Variants in RGS12 observed in about 807,000 individuals in gnomAD.
RGS12 encodes regulator of G protein signaling 12, also known as regulator of G-protein signaling 12.
Under a neutral mutation model 120.1 loss-of-function variants are expected in RGS12, and 66 were observed. The observed-to-expected ratio is 0.55, with a 90% CI of 0.45 to 0.67. The LOEUF (loss-of-function observed/expected upper bound fraction) is 0.67, where lower values mean the gene tolerates loss of function less well. RGS12 is among the 30% of genes least tolerant of loss of function. The pLI, the probability that RGS12 is intolerant of heterozygous loss-of-function variation, is 0.00. For missense variants in RGS12, 1,859 were observed against 1,957.7 expected, an observed-to-expected ratio of 0.95 and a Z score of 0.95; for synonymous variants, 827 against 804.7, an observed-to-expected ratio of 1.03 and a Z score of -0.47.
chr4:3,434,343 A>G (rs1444851445), intron 17 of RGS12, among the ~76,000 whole-genome samples: 1 of 152,182 alleles, frequency 6.6e-6, no homozygotes, highest in Non-Finnish European at 1.5e-5. Flanking sequence ...CCGGGGGATT[A>G]TCACAATTCA....
chr4:3,304,314 G>T (rs944069215), intron 1 of RGS12, among the ~76,000 whole-genome samples: 1 of 152,168 alleles, frequency 6.6e-6, no homozygotes, highest in Non-Finnish European at 1.5e-5. Context: ...CATAATGTTG[G>T]TGGCTGCTGA....
rs1266191094 is a variant in RGS12, at chr4:3,422,403, G to A, written c.2866G>A (p.Glu956Lys). 12 of 1,612,520 alleles carry A rather than the reference G, an allele frequency of 7.4e-6. No individual in the cohort carries two copies. The highest frequency in any genetic ancestry group is 3.3e-5 in the Admixed American group (2 of 59,990). Residue 956 changes from glutamate (E) to lysine (K), a missense_variant, in exon 11 of 18, where the codon GAG (glutamate) becomes AAG (lysine). Glu to Lys is a moderately conservative substitution (Grantham distance 56). Coordinates refer to ENST00000336727, the MANE Select transcript of RGS12 (RefSeq NM_001394154.1). ...LSEACRTLAP[E>K]KDKATKHCCI... is the part of the protein sequence containing the mutation. ...GGAGGCCTGCAGGACTTTGGCACCCGAGAAGGACAAGGCCACCAAGCACTG... is the reference window on the plus strand; with the variant it reads ...GGAGGCCTGCAGGACTTTGGCACCCAAGAAGGACAAGGCCACCAAGCACTG...
chr4:3,349,848 G>A (rs1714193675), intron 3 of RGS12, among the ~76,000 whole-genome samples: 1 of 152,120 alleles, frequency 6.6e-6, no homozygotes, highest in African/African-American at 2.4e-5. Flanking sequence ...GTTCAGCAAT[G>A]TATGTTTTAG....
intron 4 of RGS12, among the ~76,000 whole-genome samples, chr4:3,395,947 T>G (rs1720008928): frequency 1.3e-5 from 2 of 152,234 alleles, no homozygotes; most frequent in South Asian, 4.1e-4. Context: ...CGTTTGCATA[T>G]AACCTACCCA....
intron 1 of RGS12, among the ~76,000 whole-genome samples, chr4:3,305,182 G>A (rs1057302351): frequency 3.3e-5 from 5 of 152,354 alleles, no homozygotes; most frequent in East Asian, 3.9e-4. Context: ...TGAGCGAGAC[G>A]AAAGCCATGG....
chr4:3,362,342 A>T (rs1224688992), intron 3 of RGS12, among the ~76,000 whole-genome samples: 1 of 151,266 alleles, frequency 6.6e-6, no homozygotes, highest in East Asian at 1.9e-4. Flanking sequence ...GAAGAGTGAG[A>T]GTGTGTGCGT....
At chr4:3,428,296 C>T (rs530330186) in intron 15 of RGS12, 127 bp downstream of exon 15, 48 of 950,388 alleles carry the variant, frequency 5.1e-5, no homozygotes, top group East Asian at 1.7e-4. Context: ...CGCTCCTTGG[C>T]GGGGTCTCTC....
intron 3 of RGS12, among the ~76,000 whole-genome samples, chr4:3,367,556 G>C (rs1332153799): frequency 6.6e-6 from 1 of 152,250 alleles, no homozygotes; most frequent in Non-Finnish European, 1.5e-5. Flanking sequence ...GCAATGGGCT[G>C]GGGCCCAGAA....
chr4:3,333,137 C>G (rs1429868159), intron 2 of RGS12, among the ~76,000 whole-genome samples: 1 of 151,714 alleles, frequency 6.6e-6, no homozygotes, highest in African/African-American at 2.4e-5. Flanking sequence ...CAGGCTCCGT[C>G]CCCCAGGGTT....
chr4:3,316,751 T>C lies in RGS12; in HGVS notation c.581T>C (p.Leu194Pro). 1 of 1,614,222 alleles carries C rather than the reference T, an allele frequency of 6.2e-7. No individual in the cohort carries two copies. Among genetic ancestry groups the C allele is most frequent in the East Asian group, 2.2e-5 (1 of 44,882 alleles). Reference sequence around the variant, plus strand: ...ATAAATAATCCAAATCCCAACATGCTTTCTAAGGAGGAAATATCAAAAGTT... The same window carrying C: ...ATAAATAATCCAAATCCCAACATGCCTTCTAAGGAGGAAATATCAAAAGTT... ...ESINNPNPNMLSKEEISKVIH... is the reference protein window; with the variant it reads ...ESINNPNPNMPSKEEISKVIH... Residue 194 changes from leucine to proline, a missense_variant, in exon 2 of 18, where the codon CTT becomes CCT. Physicochemically the swap from Leu to Pro is moderately conservative, Grantham distance 98. Transcript: ENST00000336727.
rs537353725 is a variant in RGS12, at chr4:3,349,289, C to G, written c.1998+6236C>G. Among the ~76,000 whole-genome samples, 10 of 152,252 alleles carry G rather than the reference C, an allele frequency of 6.6e-5. No homozygotes were observed. The East Asian group carries it at 1.9e-3, about 29-fold the overall frequency. On this transcript the variant is annotated intron_variant, in intron 3 of 17. Transcript: ENST00000336727. The stretch of plus-strand genomic sequence containing the variant: ...ATAGGCCTTCGATGACATCCTTAAG[C>G]CTTTCTGCTTTGTTCTGTACTTCCT...
intron 3 of RGS12, among the ~76,000 whole-genome samples, chr4:3,361,075 T>G (rs980493162): frequency 3.3e-5 from 5 of 152,202 alleles, no homozygotes; most frequent in African/African-American, 7.2e-5. Flanking sequence ...ATTCTTGCAG[T>G]GGGATGCTCG....
At chr4:3,310,706 T>C (rs1578697487) in intron 1 of RGS12, among the ~76,000 whole-genome samples, 1 of 150,526 alleles carries the variant, frequency 6.6e-6, no homozygotes, top group African/African-American at 2.4e-5. Flanking sequence ...GCCAGGTGGG[T>C]GTTCGGCAGC....
chr4:3,412,506 C>T (rs975058799), intron 4 of RGS12, among the ~76,000 whole-genome samples: 1 of 152,254 alleles, frequency 6.6e-6, no homozygotes, highest in Non-Finnish European at 1.5e-5. Flanking sequence ...TGGCCTGGAG[C>T]TGGAGCCCAT....
rs1453994921 is a variant in RGS12, at chr4:3,366,535, CCG to C, written c.1999-19880_1999-19879del. On this transcript the variant is annotated intron_variant, in intron 3 of 17. Transcript: ENST00000336727. The surrounding 1 kb of genome is among the most constrained non-coding windows in gnomAD (Gnocchi z 4.0). ...TAGCTGAGAGTGAGGTGGTCCGGCC[CCG>C]TGAAGGAGGCAGCAGGGCTTGCGGC... is the stretch of plus-strand genomic sequence containing the variant. Among the ~76,000 whole-genome samples, 3 of 152,174 alleles carry C rather than the reference CCG, an allele frequency of 2.0e-5. No individual in the cohort carries two copies. The highest frequency in any genetic ancestry group is 6.5e-5 in the Admixed American group (1 of 15,282).
At position 3,317,891 on chromosome 4, in the gene RGS12, C is replaced by T. The variant is rs779593877; in HGVS notation, c.1721C>T (p.Pro574Leu). 4.3e-6 allele frequency: 7 copies of T among 1,613,870 alleles called. No individual in the cohort carries two copies. The Admixed American group carries it at 8.3e-5, about 19-fold the overall frequency. The change falls in exon 2 of 18, where the codon CCT becomes CTT. Residue 574 changes from proline to leucine, a missense_variant. By Grantham distance (98) the Pro-to-Leu change is moderately conservative (BLOSUM62 -3). This residue lies in a region of RGS12 where 967 missense variants were observed against 994.2 expected (regional missense o/e 0.97). Transcript: ENST00000336727. ...AGCATCAACTGCGGCACACTGCCCC[C>T]TCCTATGAGCAAGATCCCCGCAGAC... Reference protein sequence around the residue: ...WSSINCGTLPPPMSKIPADRY... With the variant: ...WSSINCGTLPLPMSKIPADRY...
intron 2 of RGS12, among the ~76,000 whole-genome samples, chr4:3,330,642 A>C (rs1390191325): frequency 6.6e-6 from 1 of 152,246 alleles, no homozygotes; most frequent in Admixed American, 6.5e-5. Flanking sequence ...TAGTATTTCC[A>C]TACTATGGGA....
chr4:3,393,009 A>T (rs990956072), intron 4 of RGS12, among the ~76,000 whole-genome samples: 1 of 152,006 alleles, frequency 6.6e-6, no homozygotes, highest in African/African-American at 2.4e-5. Context: ...AAACCCCAAA[A>T]TGTTTGTATA....
rs761985502 is a variant in RGS12 at position 3,422,412 on chromosome 4, A to G, written c.2875A>G (p.Lys959Glu). ...CAGGACTTTGGCACCCGAGAAGGAC[A>G]AGGCCACCAAGCACTGCTGCATTCA... ...ACRTLAPEKD[K>E]ATKHCCIHLP... is the part of the protein sequence containing the mutation. The change falls in exon 11 of 18, where the codon AAG (lysine) becomes GAG (glutamate). Residue 959 changes from lysine to glutamate, a missense_variant. Physicochemically the swap from Lys to Glu is moderately conservative, Grantham distance 56. Coordinates refer to ENST00000336727, the MANE Select transcript of RGS12 (RefSeq NM_001394154.1). The G allele has an allele frequency of 5.0e-6, 8 of 1,612,718 alleles. No homozygotes were observed. Among genetic ancestry groups the G allele is most frequent in the South Asian group, 1.1e-5 (1 of 91,060 alleles).
Sources: allele counts gnomAD v4.1 joint callset (sites outside exome capture counted in the v4.1 genomes callset), GRCh38; gene constraint gnomAD v4.1.1; regional missense constraint gnomAD v4.1.1; non-coding constraint Gnocchi (gnomAD v3.1); transcripts MANE v1.5; gene names NCBI Gene and HGNC (gene_info 2026-07-23, HGNC 2026-07-21).